The following TBC1D5 variants were observed in gnomAD, a reference collection of about 807,000 sequenced individuals.
TBC1D5 encodes TBC1 domain family, member 5.
A neutral mutation model predicts 100.3 loss-of-function variants in TBC1D5; 75 were observed. The observed-to-expected ratio is 0.75, with a 90% confidence interval of 0.62 to 0.91. The LOEUF is 0.91. Among genes scored for constraint, TBC1D5 ranks in the 40% least tolerant of loss-of-function variants. The pLI, the probability that TBC1D5 is intolerant of heterozygous loss-of-function variation, is 0.00. For synonymous variants in TBC1D5, 323 were observed against 325.6 expected (o/e 0.99, Z 0.09); for missense variants, 910 against 942.4 (o/e 0.97, Z 0.45).
chr3:17,728,681 A>C (rs2076312076), intron 1 of TBC1D5, among the ~76,000 whole-genome samples: 1 of 152,220 alleles, frequency 6.6e-6, no homozygotes, highest in African/African-American at 2.4e-5. Context: ...ATTTGAAAAA[A>C]AAATAAATTT....
chr3:17,295,394 C>G (rs1435119413), intron 14 of TBC1D5, among the ~76,000 whole-genome samples: 2 of 152,200 alleles, frequency 1.3e-5, no homozygotes, highest in Non-Finnish European at 1.5e-5. Context: ...ATTTCCCCAT[C>G]TTGCTCAATT....
At chr3:17,637,213 T>A (rs1042578015) in intron 1 of TBC1D5, among the ~76,000 whole-genome samples, 6 of 142,158 alleles carry the variant, frequency 4.2e-5, no homozygotes, top group African/African-American at 1.3e-4. Flanking sequence ...TTTTTTTTTT[T>A]TTTTTTATTT....
intron 1 of TBC1D5, among the ~76,000 whole-genome samples, chr3:17,705,093 C>CG (rs1481307756): frequency 1.7e-4 from 18 of 103,770 alleles, no homozygotes; most frequent in African/African-American, 3.0e-4. Flanking sequence ...GCTGGCCAGG[C>CG]GGGGGGCTGA....
intron 2 of TBC1D5, among the ~76,000 whole-genome samples, chr3:17,519,874 A>G (rs965311572): frequency 1.3e-5 from 2 of 152,270 alleles, no homozygotes; most frequent in Non-Finnish European, 2.9e-5. Context: ...ATAAGACCTA[A>G]AACAGTCACT....
At chr3:17,173,584 A>C (rs1329454775) in intron 19 of TBC1D5, among the ~76,000 whole-genome samples, 1 of 152,202 alleles carries the variant, frequency 6.6e-6, no homozygotes, top group Non-Finnish European at 1.5e-5. Context: ...TGAGAGGATT[A>C]GATGAGATAA....
In TBC1D5 at chr3:17,274,950, A is replaced by G. The variant is rs114620290; in HGVS notation, c.1246-16359T>C. Among the ~76,000 whole-genome samples the G allele has an allele frequency of 5.9e-3, 900 of 152,322 alleles. 5 individuals carry two copies. The highest frequency in any genetic ancestry group is 0.021 in the African/African-American group (878 of 41,554). ...CTTCAACACATTTTCAGTAAACACT[A>G]CTGAAGATAAACTTGAAGGGGCTGT... On this transcript the variant is annotated intron_variant, in intron 15 of 21. Transcript: ENST00000253692.
intron 2 of TBC1D5, among the ~76,000 whole-genome samples, chr3:17,553,150 G>A (rs184502205): frequency 7.0e-4 from 106 of 152,266 alleles, no homozygotes; most frequent in Middle Eastern, 3.4e-3. Flanking sequence ...AAGAAAGAGA[G>A]GGAATGGTGT....
intron 3 of TBC1D5, among the ~76,000 whole-genome samples, chr3:17,502,186 T>C (rs1208372539): frequency 1.3e-5 from 2 of 149,884 alleles, no homozygotes; most frequent in African/African-American, 2.5e-5. Flanking sequence ...TGTTGTGCCT[T>C]TTCTCTTCTA....
intron 4 of TBC1D5, among the ~76,000 whole-genome samples, chr3:17,421,844 C>T (rs2094214892): frequency 6.6e-6 from 1 of 152,152 alleles, no homozygotes; most frequent in Non-Finnish European, 1.5e-5. Flanking sequence ...AATTGATTCC[C>T]TAAATCATGT....
intron 18 of TBC1D5, among the ~76,000 whole-genome samples, chr3:17,213,154 T>C (rs2073186570): frequency 6.6e-6 from 1 of 152,212 alleles, no homozygotes; most frequent in Non-Finnish European, 1.5e-5. Context: ...TACTTAACAT[T>C]GTGTTATAAT....
intron 18 of TBC1D5, among the ~76,000 whole-genome samples, chr3:17,206,960 G>A (rs2072276133): frequency 1.3e-5 from 2 of 152,030 alleles, no homozygotes; most frequent in Admixed American, 1.3e-4. Context: ...TTGAGGCAGG[G>A]GCTTGGCTCT....
intron 13 of TBC1D5, among the ~76,000 whole-genome samples, chr3:17,314,697 A>G (rs2084455767): frequency 6.6e-6 from 1 of 152,182 alleles, no homozygotes; most frequent in Admixed American, 6.5e-5. Context: ...CTGCATGTAC[A>G]AGTTTGAGAG....
At chr3:17,727,100 TGGCCGGACAC>T (rs1194328651) in intron 1 of TBC1D5, among the ~76,000 whole-genome samples, 2 of 152,238 alleles carry the variant, frequency 1.3e-5, no homozygotes, top group African/African-American at 2.4e-5. Flanking sequence ...GTACAAAAAT[TGGCCGGACAC>T]AGTGGCTCAT....
intron 2 of TBC1D5, among the ~76,000 whole-genome samples, chr3:17,522,553 A>G (rs2096074603): frequency 1.3e-5 from 2 of 152,166 alleles, no homozygotes; most frequent in African/African-American, 4.8e-5. Context: ...TTCAATGAAT[A>G]CTAAAAAACA....
intron 2 of TBC1D5, among the ~76,000 whole-genome samples, chr3:17,583,918 G>C (rs9754650): frequency 2.0e-5 from 3 of 152,156 alleles, no homozygotes; most frequent in Admixed American, 6.5e-5. Context: ...GTTTAGAGCA[G>C]CACTATTCAG....
At chr3:17,245,019 C>G (rs2076616317) in intron 16 of TBC1D5, among the ~76,000 whole-genome samples, 1 of 86,964 alleles carries the variant, frequency 1.1e-5, no homozygotes. Context: ...GACCCTGTCT[C>G]TACAAAAAAA....
chr3:17,462,921 G>A (rs988126628), intron 3 of TBC1D5, among the ~76,000 whole-genome samples: 1 of 152,186 alleles, frequency 6.6e-6, no homozygotes, highest in Admixed American at 6.5e-5. Flanking sequence ...ATAAAGCAAA[G>A]CACTAATGGG....
intron 2 of TBC1D5, among the ~76,000 whole-genome samples, chr3:17,530,106 T>C (rs1324901627): frequency 6.6e-6 from 1 of 151,920 alleles, no homozygotes; most frequent in African/African-American, 2.4e-5. Flanking sequence ...TAGCCAGACA[T>C]GGTGGCACAT....
chr3:17,307,991 C>T lies in TBC1D5; in HGVS notation c.1138+1G>A. ...ATGTAGGAAAGGTCATTAATACTTACAAGCATCTCGGATGTAAAGTAACAT... is the reference window on the plus strand; with the variant it reads ...ATGTAGGAAAGGTCATTAATACTTATAAGCATCTCGGATGTAAAGTAACAT... On this transcript the variant is annotated splice_donor_variant, in intron 14 of 21. Coordinates refer to ENST00000253692, the Ensembl canonical transcript of TBC1D5. LOFTEE classifies it high-confidence loss of function. 1.9e-6 allele frequency: 3 copies of T among 1,600,618 alleles called. No individual in the cohort carries two copies. Among genetic ancestry groups the T allele is most frequent in the Non-Finnish European group, 2.6e-6 (3 of 1,176,196 alleles).
Sources: gnomAD v4.1 joint callset for allele counts (sites outside exome capture counted in the v4.1 genomes callset) on GRCh38, gnomAD v4.1.1 for gene constraint, MANE v1.5 for transcripts, NCBI Gene and HGNC (gene_info 2026-07-23, HGNC 2026-07-21) for gene names.